The following RARB variants were observed in gnomAD, a reference collection of about 807,000 sequenced individuals.
RARB encodes retinoic acid receptor beta.
RARB carries 17 observed loss-of-function variants against 51.9 expected under a neutral mutation model. The observed-to-expected ratio is 0.33, with a 90% CI of 0.22 to 0.49. The LOEUF (loss-of-function observed/expected upper bound fraction) is 0.49. Among genes scored for constraint, RARB ranks in the 20% least tolerant of loss-of-function variants. RARB has a pLI of 0.99. For missense variants in RARB, 369 were observed against 550.8 expected (o/e 0.67, Z 3.30); for synonymous variants, 215 against 195.4 (o/e 1.10, Z -0.84).
At chr3:25,452,560 C>G (rs957300603) in intron 1 of RARB, among the ~76,000 whole-genome samples, 1 of 152,158 alleles carries the variant, frequency 6.6e-6, no homozygotes, top group African/African-American at 2.4e-5. Context: ...TTACAAAGTT[C>G]TGCACTTCTC....
At chr3:25,326,000 C>T (rs183182110) in intron 5 of RARB, among the ~76,000 whole-genome samples, 10 of 152,124 alleles carry the variant, frequency 6.6e-5, no homozygotes, top group Admixed American at 6.5e-4. Flanking sequence ...TCATCACCTA[C>T]CTGAAGCATA....
intron 3 of RARB, among the ~76,000 whole-genome samples, chr3:25,554,929 A>G (rs1699996445): frequency 6.6e-6 from 1 of 152,112 alleles, no homozygotes; most frequent in South Asian, 2.1e-4. Context: ...AGTTCCTCTC[A>G]TGACCCATTA....
chr3:24,926,816 T>C (rs1695331395), intron 2 of RARB, among the ~76,000 whole-genome samples: 1 of 152,124 alleles, frequency 6.6e-6, no homozygotes, highest in Non-Finnish European at 1.5e-5. Context: ...AATAGTTGTA[T>C]AGTTATGATA....
chr3:25,124,143 G>T (rs923608223), intron 3 of RARB, among the ~76,000 whole-genome samples: 1 of 152,286 alleles, frequency 6.6e-6, no homozygotes, highest in Non-Finnish European at 1.5e-5. Context: ...GGGAGGCCAA[G>T]GTGGGTGGAT....
chr3:25,001,068 T>C (rs1247474182), intron 2 of RARB, among the ~76,000 whole-genome samples: 2 of 152,044 alleles, frequency 1.3e-5, no homozygotes, highest in Non-Finnish European at 2.9e-5. Context: ...ACAGTCTCAG[T>C]GGCCATACTG....
intron 2 of RARB, among the ~76,000 whole-genome samples, chr3:24,916,108 G>A (rs1695101068): frequency 6.6e-6 from 1 of 152,102 alleles, no homozygotes; most frequent in Admixed American, 6.6e-5. Context: ...TTACTTCTGT[G>A]TAATGAGAGC....
intron 2 of RARB, among the ~76,000 whole-genome samples, chr3:24,919,165 C>T (rs1695165931): frequency 1.3e-5 from 2 of 152,166 alleles, no homozygotes. Flanking sequence ...TAAGTGTCAA[C>T]TCCTACTACT....
chr3:25,196,694 A>T (rs998080243), intron 5 of RARB, among the ~76,000 whole-genome samples: 18 of 152,008 alleles, frequency 1.2e-4, no homozygotes, highest in African/African-American at 4.3e-4. Flanking sequence ...CCAACAGTGT[A>T]AAGTGTTCCT....
At chr3:25,578,261 T>TA (rs1359350453) in intron 4 of RARB, among the ~76,000 whole-genome samples, 1 of 152,232 alleles carries the variant, frequency 6.6e-6, no homozygotes, top group Non-Finnish European at 1.5e-5. Flanking sequence ...CAGCAGCCAG[T>TA]ATAATAAAAC....
intron 2 of RARB, among the ~76,000 whole-genome samples, chr3:24,879,353 C>G (rs567348627): frequency 6.6e-6 from 1 of 151,744 alleles, no homozygotes; most frequent in South Asian, 2.1e-4. Context: ...GGCGTGAACC[C>G]GGGAGGCGGA....
intron 5 of RARB, among the ~76,000 whole-genome samples, chr3:25,339,907 T>C (rs1055200726): frequency 1.3e-5 from 2 of 152,202 alleles, no homozygotes; most frequent in South Asian, 4.1e-4. Flanking sequence ...CTGGCTGCAG[T>C]TTTTATATTG....
intron 5 of RARB, among the ~76,000 whole-genome samples, chr3:25,226,055 C>G (rs1702049713): frequency 6.6e-6 from 1 of 152,132 alleles, no homozygotes; most frequent in Admixed American, 6.6e-5. Flanking sequence ...CAACCGTAGC[C>G]TTTTTAAGCA....
At chr3:25,096,501 G>C (rs769819155) in intron 3 of RARB, among the ~76,000 whole-genome samples, 3 of 152,134 alleles carry the variant, frequency 2.0e-5, no homozygotes, top group Non-Finnish European at 4.4e-5. Context: ...ATATCCCCCT[G>C]TAATTTAGTA....
At chr3:25,530,465 G>A (rs1698855793) in intron 3 of RARB, among the ~76,000 whole-genome samples, 1 of 152,170 alleles carries the variant, frequency 6.6e-6, no homozygotes, top group Non-Finnish European at 1.5e-5. Context: ...ATTTGGCAGC[G>A]CTGCATTCCT....
chr3:25,070,467 T>A (rs1197899205), intron 3 of RARB, among the ~76,000 whole-genome samples: 2 of 152,206 alleles, frequency 1.3e-5, no homozygotes, highest in Non-Finnish European at 2.9e-5. Context: ...AGCACTTAAC[T>A]AGAAATCACT....
At chr3:24,894,892 A>T (rs2125366879) in intron 2 of RARB, among the ~76,000 whole-genome samples, 1 of 152,302 alleles carries the variant, frequency 6.6e-6, no homozygotes, top group Non-Finnish European at 1.5e-5. Flanking sequence ...GTCTGAGCTA[A>T]ATATATGGGT....
At chr3:25,382,012 C>T (rs1369442719) in intron 5 of RARB, among the ~76,000 whole-genome samples, 4 of 152,142 alleles carry the variant, frequency 2.6e-5, no homozygotes, top group African/African-American at 9.7e-5. Flanking sequence ...TTGTCATCTT[C>T]GAAGTAGCTT....
At chr3:25,043,921 G>A (rs919403500) in intron 2 of RARB, among the ~76,000 whole-genome samples, 2 of 152,176 alleles carry the variant, frequency 1.3e-5, no homozygotes, top group African/African-American at 4.8e-5. Flanking sequence ...ATGCTATTCA[G>A]AAGTACCTCT....
chr3:25,133,469 C>A (rs1180264911), intron 4 of RARB, among the ~76,000 whole-genome samples: 1 of 151,878 alleles, frequency 6.6e-6, no homozygotes, highest in Non-Finnish European at 1.5e-5. Flanking sequence ...ACTGTAAGCA[C>A]AAATATTAAA....
Sources: gnomAD v4.1 joint callset for allele counts (sites outside exome capture counted in the v4.1 genomes callset) on GRCh38, gnomAD v4.1.1 for gene constraint, MANE v1.5 for transcripts, NCBI Gene and HGNC (gene_info 2026-07-23, HGNC 2026-07-21) for gene names.